DMD: variants seen among roughly 807,000 people sequenced by gnomAD.
DMD encodes mutant dystrophin.
In DMD, 63 loss-of-function variants were observed where a neutral mutation model predicts 330.1. The observed-to-expected ratio is 0.19, with a 90% CI of 0.16 to 0.24. The LOEUF (loss-of-function observed/expected upper bound fraction) is 0.24. Ranked by LOEUF, DMD falls within the 10% of genes least tolerant of loss-of-function variation. The pLI is 1.00. For missense variants in DMD, 3,344 were observed against 2,684.1 expected, an observed-to-expected ratio of 1.25 and a Z score of -5.43; for synonymous variants, 1,223 against 959.8, an observed-to-expected ratio of 1.27 and a Z score of -5.07.
intron 50 of DMD, among the ~76,000 whole-genome samples, chrX:31,784,638 A>AGTGTAAAGAGTGT (rs2091198901): frequency 9.0e-6 from 1 of 111,448 alleles, no homozygotes; most frequent in Non-Finnish European, 1.9e-5. Flanking sequence ...TCAAATTTTG[A>AGTGTAAAGAGTGT]ATTTTGATCT....
chrX:31,697,762 G>T (rs1181333076), intron 52 of DMD, among the ~76,000 whole-genome samples: 1 of 112,372 alleles, frequency 8.9e-6, no homozygotes, highest in East Asian at 2.8e-4. Context: ...ACAAAGAACA[G>T]TTCTGTTGCA....
intron 12 of DMD, among the ~76,000 whole-genome samples, chrX:32,597,716 CA>C (rs1347698825): frequency 1.8e-5 from 2 of 111,535 alleles, no homozygotes; most frequent in East Asian, 2.8e-4. Context: ...TAATGATGAA[CA>C]GGGGTAAACA....
intron 29 of DMD, among the ~76,000 whole-genome samples, chrX:32,433,181 C>T (rs190575047): frequency 6.3e-5 from 7 of 111,845 alleles, no homozygotes; most frequent in East Asian, 5.6e-4. Context: ...TCCTTAAAAA[C>T]GGGGAAACTC....
intron 9 of DMD, among the ~76,000 whole-genome samples, chrX:32,653,338 T>G (rs151082420): frequency 0.073 from 8,143 of 111,548 alleles, 724 homozygotes; most frequent in African/African-American, 0.25. Flanking sequence ...TTTTGTATAA[T>G]GTGTAAGGAA....
chrX:32,534,919 GAGAC>G (rs1255648822), intron 17 of DMD, among the ~76,000 whole-genome samples: 1 of 111,041 alleles, frequency 9.0e-6, no homozygotes, highest in Non-Finnish European at 1.9e-5. Context: ...CATTTGTAAA[GAGAC>G]AGGTTTCTGA....
chrX:33,031,075 G>A (rs1031457647), intron 1 of DMD, among the ~76,000 whole-genome samples: 1 of 110,626 alleles, frequency 9.0e-6, no homozygotes, highest in Non-Finnish European at 1.9e-5. Flanking sequence ...TTATTTCACC[G>A]AGCCATCCCT....
chrX:31,924,055 T>C (rs1367345549), intron 47 of DMD, among the ~76,000 whole-genome samples: 1 of 112,319 alleles, frequency 8.9e-6, no homozygotes, highest in Non-Finnish European at 1.9e-5. Context: ...AGAAATGATT[T>C]CCTATAATGA....
At chrX:31,725,573 G>A (rs752453785) in intron 52 of DMD, among the ~76,000 whole-genome samples, 11 of 112,226 alleles carry the variant, frequency 9.8e-5, no homozygotes, top group South Asian at 7.4e-4. Flanking sequence ...CCCAACCCAT[G>A]AGATAGTTAT....
At chrX:32,934,829 C>G (rs1051023300) in intron 2 of DMD, among the ~76,000 whole-genome samples, 5 of 112,533 alleles carry the variant, frequency 4.4e-5, no homozygotes, top group Admixed American at 2.8e-4. Context: ...ATTGTCATAT[C>G]ATTGCCTTTG....
intron 7 of DMD, among the ~76,000 whole-genome samples, chrX:32,809,144 G>T (rs776664753): frequency 9.0e-6 from 1 of 111,407 alleles, no homozygotes; most frequent in African/African-American, 3.3e-5. Context: ...AATTATAGCT[G>T]ATTACTCTAT....
intron 7 of DMD, among the ~76,000 whole-genome samples, chrX:32,774,456 C>T (rs2073946056): frequency 9.0e-6 from 1 of 111,438 alleles, no homozygotes; most frequent in African/African-American, 3.3e-5. Flanking sequence ...ATAAGGAATA[C>T]CTGAGACTGG....
intron 44 of DMD, among the ~76,000 whole-genome samples, chrX:32,028,207 C>T (rs2095860114): frequency 9.0e-6 from 1 of 111,199 alleles, no homozygotes. Context: ...TATGGTGGTG[C>T]CATTGTCTGA....
At chrX:31,355,029 T>C (rs191297276) in intron 60 of DMD, among the ~76,000 whole-genome samples, 115 of 112,253 alleles carry the variant, frequency 1.0e-3, no homozygotes, top group African/African-American at 3.3e-3. Context: ...CTGTGTATTG[T>C]GAAAGATAAG....
At chrX:32,797,238 T>G (rs2148665779) in intron 7 of DMD, among the ~76,000 whole-genome samples, 1 of 111,658 alleles carries the variant, frequency 9.0e-6, no homozygotes, top group South Asian at 3.8e-4. Context: ...TTCTCCTGCC[T>G]TGGCCTCCCA....
chrX:31,580,294 G>A (rs1294665937), intron 55 of DMD, among the ~76,000 whole-genome samples: 1 of 111,777 alleles, frequency 8.9e-6, no homozygotes. Flanking sequence ...ATGGAAGCAG[G>A]GGCTCAACAA....
chrX:32,213,199 A>T (rs2097099694), intron 44 of DMD, among the ~76,000 whole-genome samples: 1 of 112,305 alleles, frequency 8.9e-6, no homozygotes, highest in Admixed American at 9.4e-5. Flanking sequence ...TTTTTTTCAC[A>T]GTAACCATTA....
intron 1 of DMD, among the ~76,000 whole-genome samples, chrX:33,138,051 A>G (rs191303366): frequency 9.0e-6 from 1 of 111,048 alleles, no homozygotes. Context: ...TTTTCAGATG[A>G]AGAAACTAAG....
In DMD at chrX:32,810,810, G is replaced by A. The variant is rs150249976; in HGVS notation, c.531-1199C>T. ...CTGCTTTAGGGGAAGTACAAATTACGTATTTCATGTGATCTACGAAGTCCA... is the reference window on the plus strand; with the variant it reads ...CTGCTTTAGGGGAAGTACAAATTACATATTTCATGTGATCTACGAAGTCCA... On this transcript the variant is annotated intron_variant, in intron 6 of 78. Transcript: ENST00000357033. Among the ~76,000 whole-genome samples the A allele has an allele frequency of 1.9e-4, 21 of 111,486 alleles. 1 individual carries two copies. The East Asian group carries it at 4.6e-3, about 24-fold the overall frequency.
rs1309746063 is a variant in DMD at position 32,553,799 on chromosome X, C to T, written c.1993-8465G>A. ...TCTGTCTTCAGTGTTGGAGGAAGGG[C>T]CTGGTGGGAGGGGACTGAATCATGG... On this transcript the variant is annotated intron_variant, in intron 16 of 78. Transcript: ENST00000357033. 2.7e-5 allele frequency among the ~76,000 whole-genome samples: 3 copies of T among 111,914 alleles called. No homozygotes were observed. The East Asian group carries it at 8.5e-4, about 32-fold the overall frequency.
Sources: gnomAD v4.1 joint callset for allele counts (sites outside exome capture counted in the v4.1 genomes callset) on GRCh38, gnomAD v4.1.1 for gene constraint, MANE v1.5 for transcripts, NCBI Gene and HGNC (gene_info 2026-07-23, HGNC 2026-07-21) for gene names.